The following CDRT4 variants were observed in gnomAD, a reference collection of about 807,000 sequenced individuals.
The protein encoded by CDRT4 is CMT1A duplicated region transcript 4 protein.
For synonymous variants in CDRT4, 64 were observed against 69.6 expected (o/e 0.92, Z 0.40); for missense variants, 167 against 193.1 (o/e 0.87, Z 0.80).
At chr17:15,449,929 T>C (rs774010663) in intron 2 of CDRT4, among the ~76,000 whole-genome samples, 11 of 152,220 alleles carry the variant, frequency 7.2e-5, no homozygotes, top group Admixed American at 4.6e-4. Flanking sequence ...CCATGGCATA[T>C]ATATGCCACA....
intron 1 of CDRT4, among the ~76,000 whole-genome samples, chr17:15,461,283 T>C (rs10432020): frequency 0.15 from 22,942 of 152,174 alleles, 3,079 homozygotes; most frequent in East Asian, 0.48. Flanking sequence ...GTGCCAGGCA[T>C]AGGGATAGCA....
intron 2 of CDRT4, among the ~76,000 whole-genome samples, chr17:15,446,456 G>A (rs1375314716): frequency 2.0e-5 from 3 of 152,112 alleles, no homozygotes; most frequent in Non-Finnish European, 4.4e-5. Flanking sequence ...AGGGCAATGG[G>A]AGTGGGGAGG....
intron 1 of CDRT4, among the ~76,000 whole-genome samples, chr17:15,457,914 A>T (rs139201787): frequency 6.6e-6 from 1 of 152,318 alleles, no homozygotes; most frequent in East Asian, 1.9e-4. Flanking sequence ...CCCCCACAGG[A>T]CCCAGCTTGT....
At chr17:15,466,460 G>A (rs1433251558) in intron 1 of CDRT4, among the ~76,000 whole-genome samples, 2 of 152,156 alleles carry the variant, frequency 1.3e-5, no homozygotes, top group African/African-American at 2.4e-5. Context: ...TTCATGGATC[G>A]CAAGGTTTCT....
At chr17:15,465,094 CACAG>C (rs1394323834) in intron 1 of CDRT4, among the ~76,000 whole-genome samples, 6 of 145,166 alleles carry the variant, frequency 4.1e-5, no homozygotes, top group South Asian at 2.3e-4. Flanking sequence ...ACACACACAA[CACAG>C]ACACACACCA....
intron 1 of CDRT4, among the ~76,000 whole-genome samples, chr17:15,453,441 A>G: frequency 6.6e-6 from 1 of 152,202 alleles, no homozygotes; most frequent in East Asian, 1.9e-4. Flanking sequence ...CAATTAAACA[A>G]AAAGGGTTTT....
intron 2 of CDRT4, among the ~76,000 whole-genome samples, 164 bp downstream of exon 2, chr17:15,452,840 G>C (rs945165062): frequency 6.6e-6 from 1 of 152,148 alleles, no homozygotes; most frequent in Non-Finnish European, 1.5e-5. Context: ...GTGTTATTTA[G>C]TTGGGATGTG....
intron 2 of CDRT4, among the ~76,000 whole-genome samples, chr17:15,451,365 G>C (rs1979254255): frequency 6.6e-6 from 1 of 152,112 alleles, no homozygotes; most frequent in African/African-American, 2.4e-5. Context: ...TTTCTTCATA[G>C]CAGTATGAAA....
intron 1 of CDRT4, among the ~76,000 whole-genome samples, chr17:15,460,655 A>C (rs1439108668): frequency 1.3e-5 from 2 of 151,972 alleles, no homozygotes; most frequent in Non-Finnish European, 2.9e-5. Flanking sequence ...CAGCCTCCAA[A>C]CTGGCCTCCC....
intron 1 of CDRT4, among the ~76,000 whole-genome samples, chr17:15,466,758 G>A (rs1018110733): frequency 6.6e-6 from 1 of 152,074 alleles, no homozygotes; most frequent in Non-Finnish European, 1.5e-5. Context: ...TTGTAGAAAC[G>A]GGGTCTTGCT....
chr17:15,442,805 T>A (rs752951001), intron 2 of CDRT4, among the ~76,000 whole-genome samples: 1 of 152,188 alleles, frequency 6.6e-6, no homozygotes, highest in Non-Finnish European at 1.5e-5. Context: ...TCAAAACTCA[T>A]GGGGAGGACT....
rs1979900347 is a variant in CDRT4 at position 15,464,423 on chromosome 17, G to C, written c.-130+3037C>G. On this transcript the variant is annotated intron_variant, in intron 1 of 3. Coordinates refer to ENST00000619038, the MANE Select transcript of CDRT4 (RefSeq NM_001204477.2). This position sits in a 1 kb window ranked among gnomAD's most constrained non-coding sequence, Gnocchi z 4.5. The stretch of plus-strand genomic sequence containing the variant: ...ATTACATATCACCCTCACTGCAGCA[G>C]CGGCTGCCTTTTCCGAGCTCGCTTC... 6.6e-6 allele frequency among the ~76,000 whole-genome samples: 1 copy of C among 152,158 alleles called. No individual in the cohort carries two copies. The highest frequency in any genetic ancestry group is 2.1e-4 in the South Asian group (1 of 4,820).
In CDRT4 at chr17:15,436,923, G is replaced by A. The variant is rs1978516618; in HGVS notation, c.*850C>T. 2.0e-5 allele frequency: 3 copies of A among 152,304 alleles called. No homozygotes were observed. The South Asian group carries it at 6.2e-4, about 32-fold the overall frequency. The allele number at this position is 152,304 out of a possible 1,614,324, so 9.4% of individuals were successfully genotyped here. ...CTCAGCCCCCAGGGGGAGCTAGAAG[G>A]AATCTGCTAGGCTAAAGGAGGAAGT... On this transcript the variant is annotated 3_prime_UTR_variant, in exon 4 of 4. Coordinates refer to ENST00000619038, the MANE Select transcript of CDRT4 (RefSeq NM_001204477.2).
intron 2 of CDRT4, among the ~76,000 whole-genome samples, chr17:15,445,348 G>T (rs890922581): frequency 6.6e-6 from 1 of 152,140 alleles, no homozygotes. Flanking sequence ...AAGATTTCAG[G>T]CCTGTCCTCA....
At chr17:15,460,193 A>T (rs940158358) in intron 1 of CDRT4, among the ~76,000 whole-genome samples, 1 of 152,124 alleles carries the variant, frequency 6.6e-6, no homozygotes, top group African/African-American at 2.4e-5. Context: ...CTCCCACCAC[A>T]TTCAAAACCT....
rs1490372448 is a variant in CDRT4, at chr17:15,443,988, T to C, written c.-47-3703A>G. 7 of 733,704 alleles carry C rather than the reference T, an allele frequency of 9.5e-6. No individual in the cohort carries two copies. The Admixed American group carries it at 9.7e-5, about 10-fold the overall frequency. The allele number at this position is 733,704 out of a possible 1,614,324, so 45.4% of individuals were successfully genotyped here. ...AATCCAAAATTTCTTGGGTGAAAAA[T>C]ACATCCACAGGGTTTGGATGAGACC... On this transcript the variant is annotated intron_variant, in intron 2 of 3. Transcript: ENST00000619038.
chr17:15,447,603 C>T (rs1321368619), intron 2 of CDRT4, among the ~76,000 whole-genome samples: 4 of 152,210 alleles, frequency 2.6e-5, no homozygotes, highest in African/African-American at 7.2e-5. Context: ...GTATACTTAT[C>T]AGGTACAACC....
intron 2 of CDRT4, among the ~76,000 whole-genome samples, chr17:15,452,339 T>C (rs1979300089): frequency 6.6e-6 from 1 of 152,212 alleles, no homozygotes; most frequent in Admixed American, 6.5e-5. Context: ...TGCAGTTGCC[T>C]GTTAAGGAGC....
chr17:15,460,685 T>C (rs948903259), intron 1 of CDRT4, among the ~76,000 whole-genome samples: 2 of 152,144 alleles, frequency 1.3e-5, no homozygotes, highest in African/African-American at 4.8e-5. Flanking sequence ...ACTTGCCCCC[T>C]GTGTAATCTG....
Sources: gnomAD v4.1 joint callset for allele counts (sites outside exome capture counted in the v4.1 genomes callset) on GRCh38, gnomAD v4.1.1 for gene constraint, Gnocchi (gnomAD v3.1) non-coding constraint, MANE v1.5 for transcripts, NCBI Gene and HGNC (gene_info 2026-07-23, HGNC 2026-07-21) for gene names.